The following MYD88 variants were observed in gnomAD, a reference collection of about 807,000 sequenced individuals.
MYD88 encodes the protein MYD88 innate immune signal transduction adaptor.
In MYD88, 15 loss-of-function variants were observed where a neutral mutation model predicts 31.1. The ratio of observed to expected loss-of-function variants is 0.48; its 90% CI spans 0.32 to 0.74. The LOEUF (loss-of-function observed/expected upper bound fraction) is 0.74, where lower values mean the gene tolerates loss of function less well. MYD88 is among the 30% of genes least tolerant of loss of function. The pLI, the probability that MYD88 is intolerant of heterozygous loss-of-function variation, is 0.03. For synonymous variants in MYD88, 157 were observed against 158.8 expected, an observed-to-expected ratio of 0.99 and a Z score of 0.08; for missense variants, 308 against 387.4, an observed-to-expected ratio of 0.79 and a Z score of 1.72.
Position 38,139,879 on chromosome 3 carries a change from A to G in MYD88, c.344A>G (p.Lys115Arg), listed in dbSNP as rs376805419. ...TTCCCCACAGAGGAGGATTGCCAAA[A>G]GTATATCTTGAAGCAGCAGCAGGAG... ...LGPSIEEDCQKYILKQQQEEA... is the reference protein window; with the variant it reads ...LGPSIEEDCQRYILKQQQEEA... Residue 115 changes from lysine (K) to arginine (R), a missense_variant, in exon 2 of 5, where the codon AAG (lysine) becomes AGG (arginine). Physicochemically the swap from Lys to Arg is conservative, Grantham distance 26 (BLOSUM62 2). Transcript: ENST00000650905. This position sits in a 1 kb window ranked among gnomAD's most constrained non-coding sequence, Gnocchi z 4.7. 2 of 1,613,218 alleles carry G rather than the reference A, an allele frequency of 1.2e-6. No individual in the cohort carries two copies. Among genetic ancestry groups the G allele is most frequent in the African/African-American group, 1.3e-5 (1 of 75,036 alleles).
Position 38,141,818 on chromosome 3 carries a change from A to T in MYD88, c.*532A>T. The T allele has an allele frequency of 3.5e-6, 1 of 285,500 alleles. No individual in the cohort carries two copies. Among genetic ancestry groups the T allele is most frequent in the South Asian group, 8.1e-5 (1 of 12,314 alleles). 17.7% of individuals were successfully genotyped at this position (285,500 alleles called of 1,614,324 possible). A position where few individuals can be genotyped will look rare whatever the true frequency, so the allele number is the denominator to read the frequency against. On this transcript the variant is annotated 3_prime_UTR_variant, in exon 5 of 5. Coordinates refer to ENST00000650905, the MANE Select transcript of MYD88 (RefSeq NM_002468.5). ...CCTACTGATGCTTCAGTGCCTCTGC[A>T]CACCGCCCATTCCACTTCCTCCTTC...
Position 38,138,674 on chromosome 3 carries a change from C to T in MYD88, c.-27C>T, listed in dbSNP as rs764146243. On this transcript the variant is annotated 5_prime_UTR_variant, in exon 1 of 5. Transcript: ENST00000650905. The surrounding 1 kb of genome is among the most constrained non-coding windows in gnomAD (Gnocchi z 6.4). ...GCGCTGGCAGACAATGCGACCCGAC[C>T]GCGCTGAGGCTCCAGGACCGCCCGC... 1 of 1,565,182 alleles carries T rather than the reference C, an allele frequency of 6.4e-7. No homozygotes were observed. Among genetic ancestry groups the T allele is most frequent in the South Asian group, 1.2e-5 (1 of 86,768 alleles).
Position 38,139,436 on chromosome 3 carries a change from G to C in MYD88, c.328+408G>C. 2.5e-6 allele frequency: 1 copy of C among 396,954 alleles called. No individual in the cohort carries two copies. Among genetic ancestry groups the C allele is most frequent in the Non-Finnish European group, 4.7e-6 (1 of 211,756 alleles). The allele number at this position is 396,954 out of a possible 1,614,324, so 24.6% of individuals were successfully genotyped here. On this transcript the variant is annotated intron_variant, in intron 1 of 4. Coordinates refer to ENST00000650905, the MANE Select transcript of MYD88 (RefSeq NM_002468.5). The surrounding 1 kb of genome is among the most constrained non-coding windows in gnomAD (Gnocchi z 4.7). The stretch of plus-strand genomic sequence containing the variant: ...TCACTGGCACTTACATAATATACAT[G>C]CATAGGCGTTGGATACAGCCGCCCA...
rs1031547970 is a variant in MYD88 at position 38,139,457 on chromosome 3, G to A, written c.329-407G>A. On this transcript the variant is annotated intron_variant, in intron 1 of 4. Transcript: ENST00000650905. The surrounding 1 kb of genome is among the most constrained non-coding windows in gnomAD (Gnocchi z 4.7). ...ACATGCATAGGCGTTGGATACAGCCGCCCACAGACAGGCACACCTTGCTGA... is the reference window on the plus strand; with the variant it reads ...ACATGCATAGGCGTTGGATACAGCCACCCACAGACAGGCACACCTTGCTGA... The A allele has an allele frequency of 2.3e-5, 9 of 392,264 alleles. No individual in the cohort carries two copies. Among genetic ancestry groups the A allele is most frequent in the Non-Finnish European group, 4.3e-5 (9 of 208,452 alleles). 24.3% of individuals were successfully genotyped at this position (392,264 alleles called of 1,614,324 possible).
In MYD88 at chr3:38,140,563, A is replaced by G. The variant is rs1488090549; in HGVS notation, c.639A>G (p.Glu213=). 3.1e-6 allele frequency: 5 copies of G among 1,614,024 alleles called. No homozygotes were observed. Among genetic ancestry groups the G allele is most frequent in the Admixed American group, 3.3e-5 (2 of 60,006 alleles). The change falls in exon 3 of 5, where the codon GAA becomes GAG. Residue 213 remains glutamate, a synonymous_variant. Coordinates refer to ENST00000650905, the MANE Select transcript of MYD88 (RefSeq NM_002468.5). The stretch of plus-strand genomic sequence containing the variant: ...GGTCTATTGCTAGTGAGCTCATCGA[A>G]AAGAGGTTGGCTAGAAGGCCACGGG... ...CVWSIASELI[E]KRCRRMVVVV...
rs1223776848 is a variant in MYD88 at position 38,138,893 on chromosome 3, G to C, written c.193G>C (p.Glu65Gln). The C allele has an allele frequency of 6.2e-7, 1 of 1,613,512 alleles. No individual in the cohort carries two copies. The stretch of plus-strand genomic sequence containing the variant: ...TGAGTACTTGGAGATCCGGCAACTG[G>C]AGACACAAGCGGACCCCACTGGCAG... ...DFEYLEIRQL[E>Q]TQADPTGRLL... The change falls in exon 1 of 5, where the codon GAG becomes CAG. Residue 65 changes from glutamate to glutamine, a missense_variant. Glu to Gln is a conservative substitution (Grantham distance 29). Transcript: ENST00000650905. This position sits in a 1 kb window ranked among gnomAD's most constrained non-coding sequence, Gnocchi z 6.4.
chr3:38,138,991 C>G lies in MYD88; in HGVS notation c.291C>G (p.Gly97=). 1 of 1,606,944 alleles carries G rather than the reference C, an allele frequency of 6.2e-7. No homozygotes were observed. The highest frequency in any genetic ancestry group is 8.5e-7 in the Non-Finnish European group (1 of 1,179,874). The stretch of plus-strand genomic sequence containing the variant: ...TGCTCGAGCTGCTTACCAAGCTGGG[C>G]CGCGACGACGTGCTGCTGGAGCTGG... ...GRLLELLTKL[G]RDDVLLELGP... is the part of the protein sequence containing the mutation. The change falls in exon 1 of 5, where the codon GGC becomes GGG. Residue 97 remains glycine, a synonymous_variant. Coordinates refer to ENST00000650905, the MANE Select transcript of MYD88 (RefSeq NM_002468.5). The surrounding 1 kb of genome is among the most constrained non-coding windows in gnomAD (Gnocchi z 6.4).
Position 38,140,031 on chromosome 3 carries a change from T to C in MYD88, c.463+33T>C, listed in dbSNP as rs752050844. On this transcript the variant is annotated intron_variant, in intron 2 of 4. Coordinates refer to ENST00000650905, the MANE Select transcript of MYD88 (RefSeq NM_002468.5). The stretch of plus-strand genomic sequence containing the variant: ...TCCAATACTGTTCCCATGGGACAGG[T>C]GGAATAGGACATTGTGGTGTTAAGA... 3 of 1,610,946 alleles carry C rather than the reference T, an allele frequency of 1.9e-6. No homozygotes were observed. In the South Asian group the frequency reaches 3.3e-5, roughly 18 times the overall value.
rs928260520 is a variant in MYD88, at chr3:38,142,770, T to C, written c.*1484T>C. Reference sequence around the variant, plus strand: ...AGCCAGGCTGGAGCAAGGTACCTTTTCTTAGGATCTTGGGAGGGAATGGAT... The same window carrying C: ...AGCCAGGCTGGAGCAAGGTACCTTTCCTTAGGATCTTGGGAGGGAATGGAT... On this transcript the variant is annotated 3_prime_UTR_variant, in exon 5 of 5. Transcript: ENST00000650905. 1 of 233,144 alleles carries C rather than the reference T, an allele frequency of 4.3e-6. No homozygotes were observed. The highest frequency in any genetic ancestry group is 2.2e-5 in the African/African-American group (1 of 45,340). The allele number at this position is 233,144 out of a possible 1,614,324, so 14.4% of individuals were successfully genotyped here. A position where few individuals can be genotyped will look rare whatever the true frequency, so the allele number is the denominator to read the frequency against.
chr3:38,138,911 A>G lies in MYD88; in HGVS notation c.211A>G (p.Thr71Ala). 1 of 1,613,108 alleles carries G rather than the reference A, an allele frequency of 6.2e-7. No homozygotes were observed. Among genetic ancestry groups the G allele is most frequent in the Non-Finnish European group, 8.5e-7 (1 of 1,180,022 alleles). ...GCAACTGGAGACACAAGCGGACCCC[A>G]CTGGCAGGCTGCTGGACGCCTGGCA... ...IRQLETQADP[T>A]GRLLDAWQGR... Residue 71 changes from threonine to alanine, a missense_variant, in exon 1 of 5, where the codon ACT becomes GCT. Coordinates refer to ENST00000650905, the MANE Select transcript of MYD88 (RefSeq NM_002468.5). The surrounding 1 kb of genome is among the most constrained non-coding windows in gnomAD (Gnocchi z 6.4).
rs1222536892 is a variant in MYD88 at position 38,138,879 on chromosome 3, A to C, written c.179A>C (p.Glu60Ala). The change falls in exon 1 of 5, where the codon GAG becomes GCG. Residue 60 changes from glutamate to alanine, a missense_variant. By Grantham distance (107) the Glu-to-Ala change is moderately radical. Coordinates refer to ENST00000650905, the MANE Select transcript of MYD88 (RefSeq NM_002468.5). The surrounding 1 kb of genome is among the most constrained non-coding windows in gnomAD (Gnocchi z 6.4). ...LAEEMDFEYL[E>A]IRQLETQADP... ...GAGGAGATGGACTTTGAGTACTTGG[A>C]GATCCGGCAACTGGAGACACAAGCG... 2.5e-6 allele frequency: 4 copies of C among 1,613,592 alleles called. No homozygotes were observed. The African/African-American group carries it at 5.3e-5, about 22-fold the overall frequency.
Position 38,142,188 on chromosome 3 carries a change from C to CT in MYD88, c.*905dup, listed in dbSNP as rs1213199110. ...CACCTGCAGAGAGCTTTCCCACCAACTTTGTACCTTGATTGCCTTACAAAG... is the reference window on the plus strand; with the variant it reads ...CACCTGCAGAGAGCTTTCCCACCAACTTTTGTACCTTGATTGCCTTACAAAG... On this transcript the variant is annotated 3_prime_UTR_variant, in exon 5 of 5. Transcript: ENST00000650905. 4.3e-6 allele frequency: 1 copy of CT among 233,220 alleles called. No individual in the cohort carries two copies. The highest frequency in any genetic ancestry group is 2.2e-5 in the African/African-American group (1 of 45,356). The allele number at this position is 233,220 out of a possible 1,614,324, so 14.4% of individuals were successfully genotyped here.
In MYD88 at chr3:38,141,399, C is replaced by A; in HGVS notation, c.*113C>A. On this transcript the variant is annotated 3_prime_UTR_variant, in exon 5 of 5. Transcript: ENST00000650905. ...TCTGTGCTCTACTTACCTCTCAATTCCTGGAGATGCCAACTTCACAGACAC... is the reference window on the plus strand; with the variant it reads ...TCTGTGCTCTACTTACCTCTCAATTACTGGAGATGCCAACTTCACAGACAC... 1 of 1,394,750 alleles carries A rather than the reference C, an allele frequency of 7.2e-7. No individual in the cohort carries two copies. The highest frequency in any genetic ancestry group is 1.0e-6 in the Non-Finnish European group (1 of 985,388). 86.4% of individuals were successfully genotyped at this position (1,394,750 alleles called of 1,614,324 possible). A position where few individuals can be genotyped will look rare whatever the true frequency, so the allele number is the denominator to read the frequency against.
rs76180556 is a variant in MYD88, at chr3:38,142,411, G to A, written c.*1125G>A. On this transcript the variant is annotated 3_prime_UTR_variant, in exon 5 of 5. Transcript: ENST00000650905. Reference sequence around the variant, plus strand: ...TAGGTGGGAAAGTCCCATCACTGAGGGAGCCTAACCATGTCCCTGAACAAA... The same window carrying A: ...TAGGTGGGAAAGTCCCATCACTGAGAGAGCCTAACCATGTCCCTGAACAAA... The A allele has an allele frequency of 2.1e-3, 500 of 233,214 alleles. 1 individual carries two copies. The highest frequency in any genetic ancestry group is 0.01 in the African/African-American group (456 of 45,434). 14.4% of individuals were successfully genotyped at this position (233,214 alleles called of 1,614,324 possible).
In MYD88 at chr3:38,141,344, C is replaced by T; in HGVS notation, c.*58C>T. On this transcript the variant is annotated 3_prime_UTR_variant, in exon 5 of 5. Coordinates refer to ENST00000650905, the MANE Select transcript of MYD88 (RefSeq NM_002468.5). ...CTGTCTGCCTGTCCATGTACTTCTG[C>T]CCTGCCTCCTCCTTTCGTTGTAGGA... 1.2e-6 allele frequency: 2 copies of T among 1,603,900 alleles called. No homozygotes were observed. Among genetic ancestry groups the T allele is most frequent in the South Asian group, 1.1e-5 (1 of 90,846 alleles).
In MYD88 at chr3:38,141,931, G is replaced by T. The variant is rs977994710; in HGVS notation, c.*645G>T. ...TTCCTAATGGGTCCACCTCTCATCT[G>T]CATCTTTCACACCTCCCAGCTTCTG... is the stretch of plus-strand genomic sequence containing the variant. On this transcript the variant is annotated 3_prime_UTR_variant, in exon 5 of 5. Transcript: ENST00000650905. 8.3e-6 allele frequency: 2 copies of T among 241,608 alleles called. No homozygotes were observed. The highest frequency in any genetic ancestry group is 2.2e-5 in the African/African-American group (1 of 45,468). The allele number at this position is 241,608 out of a possible 1,614,324, so 15.0% of individuals were successfully genotyped here. A position where few individuals can be genotyped will look rare whatever the true frequency, so the allele number is the denominator to read the frequency against.
chr3:38,139,044 T>A lies in MYD88; in HGVS notation c.328+16T>A. The A allele has an allele frequency of 6.3e-7, 1 of 1,597,560 alleles. No individual in the cohort carries two copies. ...CCCAGCATTGGTGAGGACGTCCCCT[T>A]CCTGGCCTCGTACCTGGGGGGTGAG... On this transcript the variant is annotated intron_variant, in intron 1 of 4. Transcript: ENST00000650905. The surrounding 1 kb of genome is among the most constrained non-coding windows in gnomAD (Gnocchi z 4.7).
At position 38,138,690 on chromosome 3, in the gene MYD88, G is replaced by T. The variant is rs1254502517; in HGVS notation, c.-11G>T. ...CGACCCGACCGCGCTGAGGCTCCAG[G>T]ACCGCCCGCCATGGCTGCAGGAGGT... On this transcript the variant is annotated 5_prime_UTR_variant, in exon 1 of 5. Transcript: ENST00000650905. The surrounding 1 kb of genome is among the most constrained non-coding windows in gnomAD (Gnocchi z 6.4). 1 of 1,595,872 alleles carries T rather than the reference G, an allele frequency of 6.3e-7. No homozygotes were observed. Among genetic ancestry groups the T allele is most frequent in the African/African-American group, 1.3e-5 (1 of 74,694 alleles).
In MYD88 at chr3:38,138,898, A is replaced by G. The variant is rs1700999743; in HGVS notation, c.198A>G (p.Thr66=). The G allele has an allele frequency of 6.2e-7, 1 of 1,613,536 alleles. No individual in the cohort carries two copies. The highest frequency in any genetic ancestry group is 8.5e-7 in the Non-Finnish European group (1 of 1,180,022). Residue 66 remains threonine (T), a synonymous_variant, in exon 1 of 5, where the codon ACA becomes ACG. Transcript: ENST00000650905. This position sits in a 1 kb window ranked among gnomAD's most constrained non-coding sequence, Gnocchi z 6.4. Reference sequence around the variant, plus strand: ...ACTTGGAGATCCGGCAACTGGAGACACAAGCGGACCCCACTGGCAGGCTGC... The same window carrying G: ...ACTTGGAGATCCGGCAACTGGAGACGCAAGCGGACCCCACTGGCAGGCTGC... ...FEYLEIRQLE[T]QADPTGRLLD...
Sources: allele counts gnomAD v4.1 joint callset, GRCh38; gene constraint gnomAD v4.1.1; non-coding constraint Gnocchi (gnomAD v3.1); transcripts MANE v1.5; gene names NCBI Gene and HGNC (gene_info 2026-07-23, HGNC 2026-07-21).